SPEG: variants seen among roughly 807,000 people sequenced by gnomAD.
SPEG encodes the protein striated muscle preferentially expressed protein kinase.
SPEG carries 114 observed loss-of-function variants against 300.4 expected under a neutral mutation model. The observed-to-expected ratio is 0.38, with a 90% CI of 0.33 to 0.44. The LOEUF (loss-of-function observed/expected upper bound fraction) is 0.44. Ranked by LOEUF, SPEG falls within the 20% of genes least tolerant of loss-of-function variation. The probability of loss-of-function intolerance (pLI) is 1.00; values close to 1 mark genes in which losing one functional copy is unlikely to be tolerated. For missense variants in SPEG, 4,201 were observed against 4,586.2 expected (o/e 0.92, Z 2.43); for synonymous variants, 1,964 against 2,018.9 (o/e 0.97, Z 0.73).
At chr2:219,447,205 T>C (rs963536463) in intron 3 of SPEG, among the ~76,000 whole-genome samples, 30 of 26,252 alleles carry the variant, frequency 1.1e-3, no homozygotes, top group Non-Finnish European at 1.8e-3. Context: ...TTTCAGAGCA[T>C]ATCCCTGTGG....
In SPEG at chr2:219,479,687, C is replaced by T; in HGVS notation, c.5086-96C>T. ...GCCCCTTCCACGAGCCATCTGAAGG[C>T]TACTCCACAGGCACAGCCGGACCGC... On this transcript the variant is annotated intron_variant, in intron 23 of 40. Transcript: ENST00000312358. This position sits in a 1 kb window ranked among gnomAD's most constrained non-coding sequence, Gnocchi z 5.5. The T allele has an allele frequency of 8.9e-7, 1 of 1,117,846 alleles. No individual in the cohort carries two copies. Among genetic ancestry groups the T allele is most frequent in the Non-Finnish European group, 1.4e-6 (1 of 737,646 alleles). 69.2% of individuals were successfully genotyped at this position (1,117,846 alleles called of 1,614,324 possible).
At position 219,471,855 on chromosome 2, in the gene SPEG, C is replaced by T. The variant is rs1691904439; in HGVS notation, c.3716-13C>T. 2.5e-6 allele frequency: 4 copies of T among 1,613,836 alleles called. 1 individual carries two copies. In the East Asian group the frequency reaches 8.9e-5, roughly 36 times the overall value. Reference sequence around the variant, plus strand: ...CGGGCTCAGGCCCAGTGTCACTGTCCCTCCCCTCCCAGACAGGGATGTCCA... The same window carrying T: ...CGGGCTCAGGCCCAGTGTCACTGTCTCTCCCCTCCCAGACAGGGATGTCCA... On this transcript the variant is annotated splice_polypyrimidine_tract_variant and intron_variant, in intron 13 of 40. Coordinates refer to ENST00000312358, the MANE Select transcript of SPEG (RefSeq NM_005876.5).
At chr2:219,485,118 G>A in intron 30 of SPEG, 46 bp downstream of exon 30, 1 of 1,519,886 alleles carries the variant, frequency 6.6e-7, no homozygotes. Context: ...GGAGGGTGGG[G>A]TGCGCTGGAG....
Position 219,448,020 on chromosome 2 carries a change from C to A in SPEG, c.862C>A (p.Pro288Thr). Residue 288 changes from proline (P) to threonine (T), a missense_variant, in exon 4 of 41, where the codon CCT becomes ACT. Physicochemically the swap from Pro to Thr is conservative, Grantham distance 38. Around this residue, in one of 4 missense-constraint regions of SPEG, gnomAD observed 1,258 missense variants for 1,293.9 expected, o/e 0.97. Coordinates refer to ENST00000312358, the MANE Select transcript of SPEG (RefSeq NM_005876.5). ...GCGCAGGGAGGAGCCCGACCTTCAG[C>A]CTCAACTGGCCAGCGAAGCCCCACG... is the stretch of plus-strand genomic sequence containing the variant. ...GLRREEPDLQ[P>T]QLASEAPRRP... 6.2e-7 allele frequency: 1 copy of A among 1,612,490 alleles called. No homozygotes were observed. Among genetic ancestry groups the A allele is most frequent in the Non-Finnish European group, 8.5e-7 (1 of 1,179,894 alleles).
chr2:219,465,969 GTGTGTGTGCA>G, intron 9 of SPEG: 4 of 1,141,968 alleles, frequency 3.5e-6, no homozygotes, highest in East Asian at 2.5e-5. Context: ...GTGTGCATGC[GTGTGTGTGCA>G]TGTGTGTGTG....
At position 219,464,774 on chromosome 2, in the gene SPEG, A is replaced by C; in HGVS notation, c.2881+166A>C. The C allele has an allele frequency of 1.6e-6, 1 of 627,832 alleles. No homozygotes were observed. Among genetic ancestry groups the C allele is most frequent in the Non-Finnish European group, 2.8e-6 (1 of 361,072 alleles). 38.9% of individuals were successfully genotyped at this position (627,832 alleles called of 1,614,324 possible). A position where few individuals can be genotyped will look rare whatever the true frequency, so the allele number is the denominator to read the frequency against. ...TTGTTGAGTGAACCAAAGCCCAGAG[A>C]CAGGAAGTGACCTGCCCAAAGCTGC... is the stretch of plus-strand genomic sequence containing the variant. On this transcript the variant is annotated intron_variant, in intron 9 of 40. Coordinates refer to ENST00000312358, the MANE Select transcript of SPEG (RefSeq NM_005876.5). This position sits in a 1 kb window ranked among gnomAD's most constrained non-coding sequence, Gnocchi z 4.5.
In SPEG at chr2:219,443,251, AT is replaced by A; in HGVS notation, c.389-1401del. On this transcript the variant is annotated intron_variant, in intron 1 of 40. Transcript: ENST00000312358. The surrounding 1 kb of genome is among the most constrained non-coding windows in gnomAD (Gnocchi z 4.6). ...CGAGTTCCTGAAGACAGCCCATGAG[AT>A]GTGGAACCCTCCCACTCACCCCCAC... The A allele has an allele frequency of 3.4e-6, 4 of 1,181,822 alleles. No individual in the cohort carries two copies. The highest frequency in any genetic ancestry group is 5.1e-6 in the Non-Finnish European group (4 of 786,660). 73.2% of individuals were successfully genotyped at this position (1,181,822 alleles called of 1,614,324 possible).
In SPEG at chr2:219,484,204, GATC is replaced by G; in HGVS notation, c.6744_6746del (p.Ile2249del). ...CGCTGCCCCTCACACCCTATGCTCA[GATC>G]ATTCAGTCCCTCCAGCTGTCAGGCC... On this transcript the variant is annotated inframe_deletion, in exon 30 of 41. Coordinates refer to ENST00000312358, the MANE Select transcript of SPEG (RefSeq NM_005876.5). 6.2e-7 allele frequency: 1 copy of G among 1,612,434 alleles called. No homozygotes were observed. Among genetic ancestry groups the G allele is most frequent in the Middle Eastern group, 1.6e-4 (1 of 6,062 alleles).
At chr2:219,482,220 A>T (rs1692915646) in intron 28 of SPEG, 1 of 177,624 alleles carries the variant, frequency 5.6e-6, no homozygotes, top group East Asian at 1.4e-4. Context: ...GAGCGCCTGA[A>T]TAAACTGTTC....
At position 219,489,474 on chromosome 2, in the gene SPEG, T is replaced by C. The variant is rs1438622045; in HGVS notation, c.8456T>C (p.Val2819Ala). 6.3e-7 allele frequency: 1 copy of C among 1,578,240 alleles called. No homozygotes were observed. Among genetic ancestry groups the C allele is most frequent in the East Asian group, 2.4e-5 (1 of 42,446 alleles). The change falls in exon 36 of 41, where the codon GTC becomes GCC. Residue 2819 changes from valine to alanine, a missense_variant. Physicochemically the swap from Val to Ala is moderately conservative, Grantham distance 64. Around this residue, in one of 4 missense-constraint regions of SPEG, gnomAD observed 1,578 missense variants for 1,506.0 expected, o/e 1.05. Transcript: ENST00000312358. ...GCCCCCACACCCCCGTCAGTCACTG[T>C]CAGCCCCTCATCTCCCCCCACACCT... ...PAAPTPPSVT[V>A]SPSSPPTPPS... is the part of the protein sequence containing the mutation.
Position 219,478,003 on chromosome 2 carries a change from C to T in SPEG, c.4925C>T (p.Ala1642Val), listed in dbSNP as rs1393696100. The change falls in exon 22 of 41, where the codon GCG (alanine) becomes GTG (valine). Residue 1642 changes from alanine (A) to valine (V), a missense_variant. This residue lies in a region of SPEG where 1,047 missense variants were observed against 1,356.8 expected (regional missense o/e 0.77). Coordinates refer to ENST00000312358, the MANE Select transcript of SPEG (RefSeq NM_005876.5). ...IPSQAKPKAS[A>V]RREARLLARL... is the part of the protein sequence containing the mutation. ...AGCCAGGCCAAGCCAAAGGCATCAG[C>T]GCGTCGGGAGGCCCGGCTGCTGGCC... 8 of 1,614,200 alleles carry T rather than the reference C, an allele frequency of 5.0e-6. No homozygotes were observed. The highest frequency in any genetic ancestry group is 1.1e-5 in the South Asian group (1 of 91,076).
In SPEG at chr2:219,489,884, A is replaced by T; in HGVS notation, c.8866A>T (p.Thr2956Ser). 6.2e-7 allele frequency: 1 copy of T among 1,600,728 alleles called. No individual in the cohort carries two copies. The highest frequency in any genetic ancestry group is 8.5e-7 in the Non-Finnish European group (1 of 1,170,598). Residue 2956 changes from threonine (T) to serine (S), a missense_variant, in exon 36 of 41, where the codon ACT becomes TCT. By Grantham distance (58) the Thr-to-Ser change is moderately conservative. This residue lies in a region of SPEG where 1,578 missense variants were observed against 1,506.0 expected (regional missense o/e 1.05). Coordinates refer to ENST00000312358, the MANE Select transcript of SPEG (RefSeq NM_005876.5). The part of the protein sequence containing the change: ...PRSSPRPEGT[T>S]LRQGPPQKPY... ...AAGCTCTCCCAGGCCTGAGGGTACC[A>T]CTCTTCGACAGGGTCCCCCTCAGAA...
intron 6 of SPEG, among the ~76,000 whole-genome samples, chr2:219,454,164 G>A (rs971223860): frequency 6.6e-6 from 1 of 152,216 alleles, no homozygotes; most frequent in Non-Finnish European, 1.5e-5. Context: ...GCCTGCTTTT[G>A]AGGACCCACA....
intron 13 of SPEG, among the ~76,000 whole-genome samples, chr2:219,470,049 C>A (rs933910705): frequency 6.6e-6 from 1 of 152,112 alleles, no homozygotes; most frequent in African/African-American, 2.4e-5. Context: ...GGTCTGCCCC[C>A]CTCCCATAAG....
chr2:219,472,181 C>T (rs1478938452), intron 14 of SPEG, 46 bp from the exon 15 acceptor site: 12 of 1,589,588 alleles, frequency 7.5e-6, no homozygotes, highest in Non-Finnish European at 1.0e-5. Context: ...TCCTGTGGGG[C>T]TGTTGGGCCC....
At position 219,481,601 on chromosome 2, in the gene SPEG, A is replaced by T; in HGVS notation, c.5523-37A>T. 6.2e-7 allele frequency: 1 copy of T among 1,613,022 alleles called. No individual in the cohort carries two copies. The highest frequency in any genetic ancestry group is 1.1e-5 in the South Asian group (1 of 91,040). ...TCAGTTATTGACTCACTGATGACTG[A>T]ACGATAAATCCCTTCTTAATCCTCA... On this transcript the variant is annotated intron_variant, in intron 27 of 40. Transcript: ENST00000312358. The surrounding 1 kb of genome is among the most constrained non-coding windows in gnomAD (Gnocchi z 5.4).
rs557707860 is a variant in SPEG, at chr2:219,457,053, A to G, written c.2441-4829A>G. On this transcript the variant is annotated intron_variant, in intron 6 of 40. Transcript: ENST00000312358. Reference sequence around the variant, plus strand: ...ACTAAGCCTGAAACATTCTCAGTCCAAGGGGAAACATTCATGTCAGCACCC... The same window carrying G: ...ACTAAGCCTGAAACATTCTCAGTCCGAGGGGAAACATTCATGTCAGCACCC... Among the ~76,000 whole-genome samples, 24 of 152,340 alleles carry G rather than the reference A, an allele frequency of 1.6e-4. 2 individuals carry two copies. The highest frequency in any genetic ancestry group is 5.8e-4 in the African/African-American group (24 of 41,574).
chr2:219,463,808 G>A (rs548790227), intron 8 of SPEG, among the ~76,000 whole-genome samples: 124 of 152,148 alleles, frequency 8.1e-4, no homozygotes, highest in African/African-American at 2.7e-3. Context: ...TAAGACATGG[G>A]GAAGTTTAAG....
chr2:219,475,795 G>A (rs1692279973), intron 18 of SPEG, among the ~76,000 whole-genome samples: 1 of 152,194 alleles, frequency 6.6e-6, no homozygotes, highest in African/African-American at 2.4e-5. Context: ...GGCTTGCACT[G>A]ACACCCCTAT....
Sources: gnomAD v4.1 joint callset for allele counts (sites outside exome capture counted in the v4.1 genomes callset) on GRCh38, gnomAD v4.1.1 for gene constraint, gnomAD v4.1.1 regional missense constraint, Gnocchi (gnomAD v3.1) non-coding constraint, MANE v1.5 for transcripts, NCBI Gene and HGNC (gene_info 2026-07-23, HGNC 2026-07-21) for gene names.